Variants in ATP8B1 observed in about 807,000 individuals in gnomAD.
ATP8B1 encodes ATPase phospholipid transporting 8B1, also known as phospholipid-transporting ATPase IC.
A neutral mutation model predicts 149.9 loss-of-function variants in ATP8B1; 80 were observed. The ratio of observed to expected loss-of-function variants is 0.53; its 90% CI spans 0.45 to 0.64. The LOEUF (loss-of-function observed/expected upper bound fraction) is 0.64. ATP8B1 is among the 30% of genes least tolerant of loss of function. The probability of loss-of-function intolerance (pLI) is 0.00; values close to 1 mark genes in which losing one functional copy is unlikely to be tolerated. For synonymous variants in ATP8B1, 536 were observed against 562.8 expected (o/e 0.95, Z 0.67); for missense variants, 1,247 against 1,552.6 (o/e 0.80, Z 3.31).
In ATP8B1 at chr18:57,710,079, C is replaced by G. The variant is rs567167589; in HGVS notation, c.182-3492G>C. 2.1e-4 allele frequency among the ~76,000 whole-genome samples: 32 copies of G among 151,770 alleles called. 1 individual carries two copies. The South Asian group carries it at 6.2e-3, about 30-fold the overall frequency. Reference sequence around the variant, plus strand: ...CCTCAAATTCCTGGGCTCAAGTGATCCTCCTGCCTCAGCCTTCAGAGTAGC... The same window carrying G: ...CCTCAAATTCCTGGGCTCAAGTGATGCTCCTGCCTCAGCCTTCAGAGTAGC... On this transcript the variant is annotated intron_variant, in intron 2 of 27. Transcript: ENST00000648908.
At chr18:57,710,157 T>C (rs1227952202) in intron 2 of ATP8B1, among the ~76,000 whole-genome samples, 2 of 152,070 alleles carry the variant, frequency 1.3e-5, no homozygotes, top group African/African-American at 4.8e-5. Flanking sequence ...TTTTCTAGAA[T>C]GGATATATTG....
At chr18:57,684,431 C>A (rs1366767950) in intron 14 of ATP8B1, among the ~76,000 whole-genome samples, 1 of 151,610 alleles carries the variant, frequency 6.6e-6, no homozygotes, top group African/African-American at 2.4e-5. Context: ...GGCTGGAGTG[C>A]AGTGGCTTGA....
intron 1 of ATP8B1, among the ~76,000 whole-genome samples, chr18:57,770,258 TC>T (rs1481554303): frequency 6.6e-6 from 1 of 152,116 alleles, no homozygotes; most frequent in Non-Finnish European, 1.5e-5. Context: ...TTTCTTGCAC[TC>T]AGGCAGAAGT....
chr18:57,724,209 A>ACTTC (rs2079680695), intron 2 of ATP8B1, among the ~76,000 whole-genome samples: 20 of 147,412 alleles, frequency 1.4e-4, no homozygotes, highest in Admixed American at 1.1e-3. Context: ...TCATGTCCAA[A>ACTTC]ACACCAAAAG....
At chr18:57,737,240 C>T (rs1000142994) in intron 1 of ATP8B1, 15 of 148,738 alleles carry the variant, frequency 1.0e-4, no homozygotes, top group East Asian at 6.1e-4. Context: ...TGAGCCACCA[C>T]GCCAGGCTTT....
At position 57,732,045 on chromosome 18, in the gene ATP8B1, T is replaced by C. The variant is rs182256981; in HGVS notation, c.-25-213A>G. 80 of 432,206 alleles carry C rather than the reference T, an allele frequency of 1.9e-4. 2 individuals are homozygous for C. The highest frequency in any genetic ancestry group is 5.1e-5 in the Non-Finnish European group (12 of 235,482). The allele number at this position is 432,206 out of a possible 1,614,324, so 26.8% of individuals were successfully genotyped here. A position where few individuals can be genotyped will look rare whatever the true frequency, so the allele number is the denominator to read the frequency against. ...TTGGGTAAGATTTTTTTAAAAAATA[T>C]GGAGCTGCAAACCTTTTATTTTTAA... is the stretch of plus-strand genomic sequence containing the variant. On this transcript the variant is annotated intron_variant, in intron 1 of 27. Coordinates refer to ENST00000648908, the MANE Select transcript of ATP8B1 (RefSeq NM_001374385.1).
chr18:57,771,593 GAGCTGTCCAAGCATATTTTGATTCATT>G (rs1189143952), intron 1 of ATP8B1, among the ~76,000 whole-genome samples: 1 of 152,076 alleles, frequency 6.6e-6, no homozygotes, highest in East Asian at 1.9e-4. Flanking sequence ...GTTAAATAAT[GAGCTGTCCAAGCATATTTTGATTCATT>G]CAGGCCACAT....
intron 1 of ATP8B1, among the ~76,000 whole-genome samples, chr18:57,759,177 A>C (rs1235289240): frequency 2.1e-5 from 3 of 144,306 alleles, no homozygotes; most frequent in Non-Finnish European, 4.6e-5. Context: ...AAAAAAAAAA[A>C]AAAAAGAAAT....
chr18:57,654,379 C>T (rs370683745), intron 23 of ATP8B1, among the ~76,000 whole-genome samples: 22 of 151,790 alleles, frequency 1.4e-4, no homozygotes, highest in Middle Eastern at 3.4e-3. Context: ...AGTACAGTGG[C>T]GTGATCTTGG....
chr18:57,709,358 A>C (rs1342503673), intron 2 of ATP8B1, among the ~76,000 whole-genome samples: 1 of 152,234 alleles, frequency 6.6e-6, no homozygotes, highest in Non-Finnish European at 1.5e-5. Context: ...TGTAGTAAAT[A>C]AACTGATTTT....
intron 1 of ATP8B1, among the ~76,000 whole-genome samples, chr18:57,753,725 C>G (rs971383915): frequency 1.3e-5 from 2 of 151,978 alleles, no homozygotes; most frequent in African/African-American, 4.8e-5. Context: ...GTCAGGAGTT[C>G]ATGACCAGCC....
chr18:57,707,287 C>A (rs1006328719), intron 2 of ATP8B1, among the ~76,000 whole-genome samples: 2 of 151,994 alleles, frequency 1.3e-5, no homozygotes, highest in African/African-American at 4.8e-5. Context: ...CAGAGCAAGA[C>A]TCCATCTCAA....
At chr18:57,653,682 C>CTTTTT (rs71171057) in intron 24 of ATP8B1, among the ~76,000 whole-genome samples, 10 of 117,814 alleles carry the variant, frequency 8.5e-5, no homozygotes, top group Non-Finnish European at 8.4e-5. Flanking sequence ...CCTCTTTTCT[C>CTTTTT]TTTTTTTTTT....
chr18:57,791,634 G>A lies in ATP8B1; in HGVS notation c.-26+11364C>T, dbSNP rs148992486. Among the ~76,000 whole-genome samples the A allele has an allele frequency of 2.8e-4, 43 of 152,090 alleles. No individual in the cohort carries two copies. In the East Asian group the frequency reaches 5.0e-3, roughly 18 times the overall value. ...GCTGGGATTACAGGCATAAGCCACC[G>A]TGCTCAGCGAAAATTTCCTTCCTTC... On this transcript the variant is annotated intron_variant, in intron 1 of 27. Transcript: ENST00000648908.
chr18:57,689,454 G>C (rs1912420276), intron 12 of ATP8B1, among the ~76,000 whole-genome samples: 1 of 152,164 alleles, frequency 6.6e-6, no homozygotes, highest in Non-Finnish European at 1.5e-5. Flanking sequence ...TCAGTTATAA[G>C]GAAGCTGTTT....
At chr18:57,695,617 T>C (rs1346983087) in intron 8 of ATP8B1, 85 bp from the exon 9 acceptor site, 2 of 981,912 alleles carry the variant, frequency 2.0e-6, no homozygotes, top group Non-Finnish European at 3.2e-6. Context: ...ACATTAGCCA[T>C]ACCTGGACAT....
intron 1 of ATP8B1, among the ~76,000 whole-genome samples, chr18:57,752,719 A>G (rs2080034730): frequency 6.6e-6 from 1 of 152,248 alleles, no homozygotes; most frequent in Admixed American, 6.5e-5. Context: ...AACTTTTATA[A>G]TTGCACTTCA....
chr18:57,687,385 C>T (rs573086418), intron 13 of ATP8B1, among the ~76,000 whole-genome samples: 97 of 152,308 alleles, frequency 6.4e-4, no homozygotes, highest in Middle Eastern at 3.4e-3. Flanking sequence ...ATGTCCTTAA[C>T]CCATTTATGC....
Position 57,784,437 on chromosome 18 carries a change from C to T in ATP8B1, c.-26+18561G>A, listed in dbSNP as rs1049070537. Among the ~76,000 whole-genome samples, 3 of 152,038 alleles carry T rather than the reference C, an allele frequency of 2.0e-5. No individual in the cohort carries two copies. The highest frequency in any genetic ancestry group is 4.8e-5 in the African/African-American group (2 of 41,396). On this transcript the variant is annotated intron_variant, in intron 1 of 27. Coordinates refer to ENST00000648908, the MANE Select transcript of ATP8B1 (RefSeq NM_001374385.1). The surrounding 1 kb of genome is among the most constrained non-coding windows in gnomAD (Gnocchi z 4.4). ...ACAGCTTGAACCTCGCGGATGGCAG[C>T]GGAGATAGAGGTTATCAGGTGGAGT... is the stretch of plus-strand genomic sequence containing the variant.
Sources: allele counts gnomAD v4.1 joint callset (sites outside exome capture counted in the v4.1 genomes callset), GRCh38; gene constraint gnomAD v4.1.1; non-coding constraint Gnocchi (gnomAD v3.1); transcripts MANE v1.5; gene names NCBI Gene and HGNC (gene_info 2026-07-23, HGNC 2026-07-21).